ANKS1B: variants seen among roughly 807,000 people sequenced by gnomAD.
ANKS1B encodes the protein ankyrin repeat and sterile alpha motif domain-containing protein 1B.
Under a neutral mutation model 148.3 loss-of-function variants are expected in ANKS1B, and 36 were observed. The observed-to-expected ratio is 0.24, with a 90% CI of 0.19 to 0.32. The LOEUF (loss-of-function observed/expected upper bound fraction) is 0.32, where lower values mean the gene tolerates loss of function less well. Among genes scored for constraint, ANKS1B ranks in the 10% least tolerant of loss-of-function variants. The pLI, the probability that ANKS1B is intolerant of heterozygous loss-of-function variation, is 1.00. For synonymous variants in ANKS1B, 542 were observed against 560.8 expected, an observed-to-expected ratio of 0.97 and a Z score of 0.47; for missense variants, 1,157 against 1,542.6, an observed-to-expected ratio of 0.75 and a Z score of 4.19.
At chr12:99,170,839 A>G (rs1454483887) in intron 14 of ANKS1B, among the ~76,000 whole-genome samples, 2 of 152,228 alleles carry the variant, frequency 1.3e-5, no homozygotes, top group African/African-American at 4.8e-5. Context: ...AAAAGTAAAA[A>G]GAGAAAAAGC....
intron 16 of ANKS1B, chr12:99,079,961 C>A (rs1385773302): frequency 6.6e-6 from 1 of 152,246 alleles, no homozygotes; most frequent in Middle Eastern, 3.2e-3. Context: ...CACAGGCAAC[C>A]CACGGAAAAG....
chr12:99,816,248 G>C (rs929183082), intron 2 of ANKS1B, among the ~76,000 whole-genome samples: 3 of 151,780 alleles, frequency 2.0e-5, no homozygotes, highest in Non-Finnish European at 4.4e-5. Context: ...TAGTGACGTT[G>C]AGCACTGTTT....
chr12:99,655,024 A>G (rs760542827), intron 9 of ANKS1B, 43 bp downstream of exon 9: 5 of 1,528,988 alleles, frequency 3.3e-6, no homozygotes, highest in Admixed American at 4.2e-5. Flanking sequence ...AACATAGGCA[A>G]CCATTTTTGT....
At chr12:99,901,448 A>G (rs1005905487) in intron 1 of ANKS1B, among the ~76,000 whole-genome samples, 1 of 152,224 alleles carries the variant, frequency 6.6e-6, no homozygotes, top group Non-Finnish European at 1.5e-5. Flanking sequence ...TTTGCAAAAG[A>G]TAGAGACAGA....
At chr12:99,478,298 AG>A (rs750441211) in intron 10 of ANKS1B, among the ~76,000 whole-genome samples, 69 of 152,294 alleles carry the variant, frequency 4.5e-4, no homozygotes, top group Non-Finnish European at 8.7e-4. Flanking sequence ...TAATTGCAAT[AG>A]GTTAATACCT....
At chr12:99,537,247 T>C (rs2097079497) in intron 9 of ANKS1B, among the ~76,000 whole-genome samples, 2 of 152,302 alleles carry the variant, frequency 1.3e-5, no homozygotes, top group South Asian at 2.1e-4. Flanking sequence ...CTCTTCAACA[T>C]ACTGATTTCC....
intron 15 of ANKS1B, among the ~76,000 whole-genome samples, chr12:99,109,193 T>C (rs1311695484): frequency 6.9e-6 from 1 of 145,952 alleles, no homozygotes; most frequent in African/African-American, 2.5e-5. Context: ...CAGCACTTGC[T>C]AGCTTCTGTC....
intron 8 of ANKS1B, among the ~76,000 whole-genome samples, chr12:99,762,199 C>T (rs2062190995): frequency 6.6e-6 from 1 of 151,974 alleles, no homozygotes. Flanking sequence ...AAAAACTATT[C>T]TAAAATTCAC....
chr12:99,262,838 A>C (rs901250097), intron 12 of ANKS1B, among the ~76,000 whole-genome samples: 1 of 151,960 alleles, frequency 6.6e-6, no homozygotes, highest in Non-Finnish European at 1.5e-5. Flanking sequence ...TATAAAGTAC[A>C]TTTGGTCTTT....
intron 12 of ANKS1B, among the ~76,000 whole-genome samples, chr12:99,297,527 G>A (rs2081044775): frequency 1.3e-5 from 2 of 152,324 alleles, no homozygotes. Flanking sequence ...CTAGGCAATG[G>A]AGATAAGAAA....
chr12:98,925,284 T>C (rs892411586), intron 17 of ANKS1B, among the ~76,000 whole-genome samples: 2 of 152,180 alleles, frequency 1.3e-5, no homozygotes, highest in Non-Finnish European at 2.9e-5. Context: ...ATGCTGATGA[T>C]GAGACTGGGG....
chr12:99,959,227 A>ATTTTTTTTTTTTTTTTTTTT (rs71088166), intron 1 of ANKS1B, among the ~76,000 whole-genome samples: 2 of 99,896 alleles, frequency 2.0e-5, no homozygotes, highest in Non-Finnish European at 3.7e-5. Context: ...CACCCAGTTA[A>ATTTTTTTTTTTTTTTTTTTT]TTTTTTTTTT....
At chr12:98,771,464 T>C (rs1197013499) in intron 25 of ANKS1B, among the ~76,000 whole-genome samples, 2 of 152,068 alleles carry the variant, frequency 1.3e-5, no homozygotes, top group Non-Finnish European at 2.9e-5. Flanking sequence ...GAGCTGTGCC[T>C]GGCCAAGAGT....
chr12:99,383,414 A>G (rs182371158), intron 12 of ANKS1B, among the ~76,000 whole-genome samples: 1 of 152,290 alleles, frequency 6.6e-6, no homozygotes, highest in East Asian at 1.9e-4. Flanking sequence ...AGCCCTCTAC[A>G]ACCTGGCCCC....
chr12:99,508,347 C>G (rs1421808897), intron 9 of ANKS1B, among the ~76,000 whole-genome samples: 1 of 151,604 alleles, frequency 6.6e-6, no homozygotes, highest in Non-Finnish European at 1.5e-5. Flanking sequence ...GAGTCAAGAA[C>G]AGACAGCAGA....
chr12:99,359,819 A>G (rs2092334717), intron 12 of ANKS1B, among the ~76,000 whole-genome samples: 1 of 152,164 alleles, frequency 6.6e-6, no homozygotes. Context: ...AGTGTAAACC[A>G]CGTTTAATTA....
At chr12:99,266,238 C>T (rs1400042189) in intron 12 of ANKS1B, among the ~76,000 whole-genome samples, 1 of 152,060 alleles carries the variant, frequency 6.6e-6, no homozygotes, top group African/African-American at 2.4e-5. Flanking sequence ...TGTCATTTTC[C>T]AGACAAGGAG....
intron 10 of ANKS1B, among the ~76,000 whole-genome samples, chr12:99,484,807 T>A (rs2096465700): frequency 6.6e-6 from 1 of 150,460 alleles, no homozygotes; most frequent in African/African-American, 2.4e-5. Flanking sequence ...TGAAGTCAGT[T>A]TTGTTTGATA....
At chr12:99,586,761 G>A (rs1207188938) in intron 9 of ANKS1B, among the ~76,000 whole-genome samples, 1 of 152,148 alleles carries the variant, frequency 6.6e-6, no homozygotes, top group African/African-American at 2.4e-5. Flanking sequence ...TGAATGAGGG[G>A]CAAAGTCATG....
Sources: allele counts gnomAD v4.1 joint callset (sites outside exome capture counted in the v4.1 genomes callset), GRCh38; gene constraint gnomAD v4.1.1; transcripts MANE v1.5; gene names NCBI Gene and HGNC (gene_info 2026-07-23, HGNC 2026-07-21).